Variants in AUTS2 observed in about 807,000 individuals in gnomAD.
The protein encoded by AUTS2 is activator of transcription and developmental regulator AUTS2, also known as autism susceptibility gene 2 protein.
AUTS2 carries 17 observed loss-of-function variants against 112.4 expected under a neutral mutation model. The ratio of observed to expected loss-of-function variants is 0.15; its 90% CI spans 0.10 to 0.23. AUTS2 has a LOEUF of 0.23. AUTS2 is among the 10% of genes least tolerant of loss of function. The pLI is 1.00. For synonymous variants in AUTS2, 751 were observed against 702.7 expected (o/e 1.07, Z -1.09); for missense variants, 1,510 against 1,701.6 (o/e 0.89, Z 1.98).
intron 1 of AUTS2, among the ~76,000 whole-genome samples, chr7:69,706,283 G>A (rs1003717842): frequency 4.6e-5 from 7 of 152,206 alleles, no homozygotes; most frequent in African/African-American, 1.7e-4. Context: ...GTATTGTCCT[G>A]GAACATTCTG....
At chr7:70,387,043 A>T (rs956441708) in intron 4 of AUTS2, among the ~76,000 whole-genome samples, 1 of 151,648 alleles carries the variant, frequency 6.6e-6, no homozygotes. Flanking sequence ...CTGCATCTTC[A>T]TTTTCTTTCT....
chr7:70,074,183 T>A (rs934921268), intron 2 of AUTS2, among the ~76,000 whole-genome samples: 2 of 152,216 alleles, frequency 1.3e-5, no homozygotes, highest in Non-Finnish European at 2.9e-5. Flanking sequence ...AATATGTAGA[T>A]TGATTATGGT....
chr7:70,580,063 C>T (rs1476002338), intron 5 of AUTS2, among the ~76,000 whole-genome samples: 1 of 152,034 alleles, frequency 6.6e-6, no homozygotes, highest in African/African-American at 2.4e-5. Context: ...CTTGGGGCTC[C>T]ACAACACAGT....
intron 4 of AUTS2, among the ~76,000 whole-genome samples, chr7:70,387,089 A>G (rs558015032): frequency 6.6e-6 from 1 of 152,138 alleles, no homozygotes; most frequent in South Asian, 2.1e-4. Flanking sequence ...CACACTTTTT[A>G]AAAAATACCT....
intron 2 of AUTS2, among the ~76,000 whole-genome samples, chr7:69,977,617 T>C (rs1439545175): frequency 6.6e-6 from 1 of 152,224 alleles, no homozygotes; most frequent in African/African-American, 2.4e-5. Context: ...GTAGCTCTTT[T>C]ATTTCAGCAG....
At chr7:70,111,569 T>G (rs1034801681) in intron 2 of AUTS2, among the ~76,000 whole-genome samples, 2 of 152,196 alleles carry the variant, frequency 1.3e-5, no homozygotes, top group African/African-American at 4.8e-5. Context: ...CTTAAATTCT[T>G]GTGAAAAATC....
chr7:70,433,087 C>T, intron 4 of AUTS2, among the ~76,000 whole-genome samples: 1 of 152,182 alleles, frequency 6.6e-6, no homozygotes, highest in Non-Finnish European at 1.5e-5. Flanking sequence ...CAAGGTGCTT[C>T]TGGGTATATC....
intron 1 of AUTS2, among the ~76,000 whole-genome samples, chr7:69,815,757 C>T (rs1022489103): frequency 6.6e-6 from 1 of 152,190 alleles, no homozygotes; most frequent in Non-Finnish European, 1.5e-5. Context: ...TCGTGATCCA[C>T]CTGCCTTGGC....
intron 2 of AUTS2, among the ~76,000 whole-genome samples, chr7:69,996,946 TAAAAA>T (rs1161825217): frequency 2.0e-5 from 2 of 99,030 alleles, no homozygotes; most frequent in Admixed American, 1.1e-4. Context: ...CTGGAACACT[TAAAAA>T]AAAAAAAAAA....
chr7:70,625,947 C>G (rs1306424506), intron 5 of AUTS2, among the ~76,000 whole-genome samples: 4 of 152,008 alleles, frequency 2.6e-5, no homozygotes, highest in Non-Finnish European at 5.9e-5. Flanking sequence ...GAATCTTGCT[C>G]TGTCACCTAG....
intron 5 of AUTS2, among the ~76,000 whole-genome samples, chr7:70,676,238 C>G (rs1025410331): frequency 5.9e-5 from 9 of 151,692 alleles, no homozygotes; most frequent in African/African-American, 2.2e-4. Flanking sequence ...GCCAGGAGTT[C>G]GAGACCAGCC....
chr7:70,670,835 C>T lies in AUTS2; in HGVS notation c.691-27734C>T, dbSNP rs17141985. Among the ~76,000 whole-genome samples the T allele has an allele frequency of 5.0e-3, 766 of 152,308 alleles. 20 individuals are homozygous for T. In the East Asian group the frequency reaches 0.083, roughly 16 times the overall value. On this transcript the variant is annotated intron_variant, in intron 5 of 18. Coordinates refer to ENST00000342771, the MANE Select transcript of AUTS2 (RefSeq NM_015570.4). ...TGACCTATTTATGCCCAGGCACTGA[C>T]TGCAGGGTTGACAGTAGCCACCCTG...
intron 5 of AUTS2, among the ~76,000 whole-genome samples, chr7:70,650,248 G>A (rs895445840): frequency 1.3e-5 from 2 of 152,152 alleles, no homozygotes; most frequent in Non-Finnish European, 2.9e-5. Flanking sequence ...GCCAGAACTG[G>A]GTTACATACC....
At chr7:70,476,516 A>T (rs1420442876) in intron 5 of AUTS2, among the ~76,000 whole-genome samples, 1 of 152,226 alleles carries the variant, frequency 6.6e-6, no homozygotes, top group Non-Finnish European at 1.5e-5. Flanking sequence ...CATCTGCCCC[A>T]CACAGAAGAA....
intron 1 of AUTS2, among the ~76,000 whole-genome samples, chr7:69,785,777 A>G (rs1334628359): frequency 1.3e-5 from 2 of 152,184 alleles, no homozygotes; most frequent in African/African-American, 2.4e-5. Flanking sequence ...CTATAGGATC[A>G]AATGCTAACT....
rs1796517767 is a variant in AUTS2, at chr7:70,451,265, A to G, written c.690+15484A>G. ...AAGAGTTGAATAACTATTGGGTACC[A>G]TGCTCACTACCTGGGTAATGGGATC... On this transcript the variant is annotated intron_variant, in intron 5 of 18. Coordinates refer to ENST00000342771, the MANE Select transcript of AUTS2 (RefSeq NM_015570.4). Among the ~76,000 whole-genome samples, 4 of 152,294 alleles carry G rather than the reference A, an allele frequency of 2.6e-5. No homozygotes were observed. The South Asian group carries it at 8.3e-4, about 32-fold the overall frequency.
chr7:69,699,017 A>G (rs1797681987), intron 1 of AUTS2, among the ~76,000 whole-genome samples: 1 of 152,136 alleles, frequency 6.6e-6, no homozygotes, highest in South Asian at 2.1e-4. Flanking sequence ...GGTTCATATT[A>G]AATTGGTGTT....
At chr7:70,249,480 G>A (rs957282335) in intron 4 of AUTS2, among the ~76,000 whole-genome samples, 3 of 152,062 alleles carry the variant, frequency 2.0e-5, no homozygotes, top group African/African-American at 2.4e-5. Flanking sequence ...CTCCTGGGGC[G>A]CGTTCTTAGA....
intron 4 of AUTS2, among the ~76,000 whole-genome samples, chr7:70,240,092 C>T (rs138738243): frequency 1.2e-3 from 180 of 151,714 alleles, no homozygotes; most frequent in Non-Finnish European, 1.6e-3. Flanking sequence ...AGCTGGCTAG[C>T]GTGACATTCC....
Sources: gnomAD v4.1 joint callset for allele counts (sites outside exome capture counted in the v4.1 genomes callset) on GRCh38, gnomAD v4.1.1 for gene constraint, MANE v1.5 for transcripts, NCBI Gene and HGNC (gene_info 2026-07-23, HGNC 2026-07-21) for gene names.